The following ANK1 variants were observed in gnomAD, a reference collection of about 807,000 sequenced individuals.
ANK1 encodes ankyrin-1.
In ANK1, 51 loss-of-function variants were observed where a neutral mutation model predicts 210.4. The observed-to-expected ratio is 0.24, with a 90% CI of 0.19 to 0.31. ANK1 has a LOEUF of 0.31. Ranked by LOEUF, ANK1 falls within the 10% of genes least tolerant of loss-of-function variation. The pLI, the probability that ANK1 is intolerant of heterozygous loss-of-function variation, is 1.00. For synonymous variants in ANK1, 967 were observed against 1,025.9 expected (o/e 0.94, Z 1.10); for missense variants, 2,051 against 2,504.4 (o/e 0.82, Z 3.86).
intron 18 of ANK1, among the ~76,000 whole-genome samples, chr8:41,705,420 T>C (rs1380942794): frequency 3.9e-5 from 6 of 152,216 alleles, no homozygotes; most frequent in Middle Eastern, 3.2e-3. Flanking sequence ...CTGCAGGCAG[T>C]TGGAGACAAA....
At chr8:41,769,879 G>T (rs1842642723) in intron 1 of ANK1, among the ~76,000 whole-genome samples, 2 of 151,176 alleles carry the variant, frequency 1.3e-5, no homozygotes, top group South Asian at 4.2e-4. Flanking sequence ...TTTTTGTAGA[G>T]AAGGGGTCTG....
intron 1 of ANK1, among the ~76,000 whole-genome samples, chr8:41,780,708 G>A (rs983442760): frequency 2.0e-5 from 3 of 152,326 alleles, no homozygotes; most frequent in African/African-American, 4.8e-5. Flanking sequence ...GTGTGTGCAC[G>A]TGTGCCTGTG....
chr8:41,837,832 T>C (rs529527599), intron 1 of ANK1, among the ~76,000 whole-genome samples: 1 of 152,226 alleles, frequency 6.6e-6, no homozygotes, highest in South Asian at 2.1e-4. Context: ...GATCACACCA[T>C]TGCACTACAG....
rs140686279 is a variant in ANK1 at position 41,773,850 on chromosome 8, AGGATGG to A, written c.28-15719_28-15714del. Among the ~76,000 whole-genome samples the A allele has an allele frequency of 5.5e-3, 845 of 152,296 alleles. 2 individuals carry two copies. The highest frequency in any genetic ancestry group is 8.9e-3 in the Non-Finnish European group (604 of 68,020). ...AGAAACCCAGTCCCGGTGCTGGAGA[AGGATGG>A]GGAGTGGACCCAAGTGGCAAGCCTG... On this transcript the variant is annotated intron_variant, in intron 1 of 42. Transcript: ENST00000289734.
intron 37 of ANK1, among the ~76,000 whole-genome samples, chr8:41,673,230 T>A (rs780207515): frequency 3.3e-5 from 5 of 152,152 alleles, no homozygotes; most frequent in Non-Finnish European, 7.4e-5. Context: ...GAGCACTAGA[T>A]AAAGAAGCCT....
chr8:41,683,716 G>A (rs2150577036), intron 37 of ANK1, among the ~76,000 whole-genome samples: 1 of 152,352 alleles, frequency 6.6e-6, no homozygotes, highest in East Asian at 1.9e-4. Context: ...GCAGGGAGTT[G>A]GCAGGAAGGA....
In ANK1 at chr8:41,733,958, C is replaced by G; in HGVS notation, c.228+13G>C. 1 of 1,612,804 alleles carries G rather than the reference C, an allele frequency of 6.2e-7. No individual in the cohort carries two copies. Among genetic ancestry groups the G allele is most frequent in the Non-Finnish European group, 8.5e-7 (1 of 1,178,774 alleles). On this transcript the variant is annotated intron_variant, in intron 3 of 42. Transcript: ENST00000289734. ...TTTCAATGCAAAGCTCCCCCACTCCCTGTGAGACATACCTTGGTTGTCGTT... is the reference window on the plus strand; with the variant it reads ...TTTCAATGCAAAGCTCCCCCACTCCGTGTGAGACATACCTTGGTTGTCGTT...
At chr8:41,766,821 C>T (rs1704937159) in intron 1 of ANK1, among the ~76,000 whole-genome samples, 1 of 152,250 alleles carries the variant, frequency 6.6e-6, no homozygotes, top group South Asian at 2.1e-4. Flanking sequence ...CTGCCTTCCT[C>T]TGCCCCATTC....
rs895568293 is a variant in ANK1, at chr8:41,863,220, G to A, written c.126+33135C>T. ...AAAAATACAAAAAAATTAGCTGGGC[G>A]TTGTGGCGGGCGCCTGTAGTCCCAG... On this transcript the variant is annotated intron_variant, in intron 1 of 42. Coordinates refer to the ANK1 transcript ENST00000265709. 1.8e-4 allele frequency among the ~76,000 whole-genome samples: 28 copies of A among 151,476 alleles called. 1 individual carries two copies. The highest frequency in any genetic ancestry group is 7.9e-4 in the Admixed American group (12 of 15,246).
At chr8:41,784,715 T>C (rs1426843920) in intron 1 of ANK1, among the ~76,000 whole-genome samples, 1 of 152,158 alleles carries the variant, frequency 6.6e-6, no homozygotes, top group African/African-American at 2.4e-5. Flanking sequence ...ATGGTGAAGG[T>C]TTTGCAAATT....
Position 41,672,918 on chromosome 8 carries a change from T to C in ANK1, c.4538-6A>G, listed in dbSNP as rs776186305. The C allele has an allele frequency of 2.8e-5, 45 of 1,596,848 alleles. No individual in the cohort carries two copies. Among genetic ancestry groups the C allele is most frequent in the Non-Finnish European group, 2.0e-5 (24 of 1,178,632 alleles). On this transcript the variant is annotated splice_polypyrimidine_tract_variant and splice_region_variant and intron_variant, in intron 37 of 42. Transcript: ENST00000289734. ...GTCCTGCAGTGAGGAGTAACCTGGA[T>C]GGGCAGACAGAGGGCAACATGCTCC...
rs111620878 is a variant in ANK1, at chr8:41,695,253, G to C, written c.3039C>G (p.Asn1013Lys). ...TCCTGTGCTCCTTCCACACGGAGCC[G>C]TTTTCGCTCCTCAGAACCACGAGCT... ...DRELVVLRSE[N>K]GSVWKEHRSR... The change falls in exon 27 of 43, where the codon AAC (asparagine) becomes AAG (lysine). Residue 1013 changes from asparagine (N) to lysine (K), a missense_variant. Physicochemically the swap from Asn to Lys is moderately conservative, Grantham distance 94. Around this residue, in one of 6 missense-constraint regions of ANK1, gnomAD observed 1,413 missense variants for 1,707.4 expected, o/e 0.83. Coordinates refer to ENST00000289734, the MANE Select transcript of ANK1 (RefSeq NM_000037.4). 1 of 1,614,092 alleles carries C rather than the reference G, an allele frequency of 6.2e-7. No homozygotes were observed. Among genetic ancestry groups the C allele is most frequent in the Non-Finnish European group, 8.5e-7 (1 of 1,180,026 alleles).
At chr8:41,726,991 A>C (rs1313983219) in intron 5 of ANK1, among the ~76,000 whole-genome samples, 1 of 152,218 alleles carries the variant, frequency 6.6e-6, no homozygotes, top group South Asian at 2.1e-4. Flanking sequence ...TCCAGTCACA[A>C]GTATTGGCCA....
In ANK1 at chr8:41,723,798, T is replaced by A. The variant is rs374452510; in HGVS notation, c.712-165A>T. Among the ~76,000 whole-genome samples the A allele has an allele frequency of 2.6e-4, 39 of 150,312 alleles. No individual in the cohort carries two copies. In the East Asian group the frequency reaches 2.9e-3, roughly 11 times the overall value. ...TTATTTTTTTTTATTTTTTATTTTT[T>A]TTTTTTTTTGAGACGGAGTCTCGCT... is the stretch of plus-strand genomic sequence containing the variant. On this transcript the variant is annotated intron_variant, in intron 7 of 42. Transcript: ENST00000289734.
intron 2 of ANK1, among the ~76,000 whole-genome samples, chr8:41,757,489 G>T (rs760846075): frequency 6.6e-6 from 1 of 151,948 alleles, no homozygotes; most frequent in Non-Finnish European, 1.5e-5. Flanking sequence ...TTGTTTCCTC[G>T]CCAGCCCCTT....
At chr8:41,822,516 C>T (rs1804641558) in intron 1 of ANK1, among the ~76,000 whole-genome samples, 1 of 152,208 alleles carries the variant, frequency 6.6e-6, no homozygotes, top group Non-Finnish European at 1.5e-5. Context: ...CCTGTATTAT[C>T]ATGTGCCAAT....
rs370175565 is a variant in ANK1 at position 41,661,934 on chromosome 8, C to T, written c.5486G>A (p.Arg1829His). 22 of 1,613,714 alleles carry T rather than the reference C, an allele frequency of 1.4e-5. No homozygotes were observed. Among genetic ancestry groups the T allele is most frequent in the Middle Eastern group, 1.6e-4 (1 of 6,084 alleles). ...QGNIVTKKII[R>H]KVVRQIDLSS... ...CAAGTCTATCTGTCGAACCACCTTG[C>T]GAATGATCTAGGAAAGGAAGGGAAG... The change falls in exon 41 of 43, where the codon CGC (arginine) becomes CAC (histidine). Residue 1829 changes from arginine (R) to histidine (H), a missense_variant. Around this residue, in one of 6 missense-constraint regions of ANK1, gnomAD observed 496 missense variants for 533.4 expected, o/e 0.93. Coordinates refer to ENST00000289734, the MANE Select transcript of ANK1 (RefSeq NM_000037.4).
At position 41,727,328 on chromosome 8, in the gene ANK1, G is replaced by A; in HGVS notation, c.348C>T (p.Tyr116=). 2 of 1,614,066 alleles carry A rather than the reference G, an allele frequency of 1.2e-6. No individual in the cohort carries two copies. The highest frequency in any genetic ancestry group is 1.7e-6 in the Non-Finnish European group (2 of 1,179,936). ...AQSQKGFTPL[Y]MAAQENHLEV... ...CCAAGTGGTTCTCTTGTGCTGCCAT[G>A]TACAGGGGTGTAAAACCTTTCTGTA... is the stretch of plus-strand genomic sequence containing the variant. Residue 116 remains tyrosine (Y), a synonymous_variant, in exon 5 of 43, where the codon TAC becomes TAT. Transcript: ENST00000289734.
chr8:41,875,448 A>G (rs1364271344), intron 1 of ANK1, among the ~76,000 whole-genome samples: 2 of 152,206 alleles, frequency 1.3e-5, no homozygotes, highest in African/African-American at 2.4e-5. Context: ...AGGAGCTACA[A>G]GGGACTCTCC....
Sources: allele counts gnomAD v4.1 joint callset (sites outside exome capture counted in the v4.1 genomes callset), GRCh38; gene constraint gnomAD v4.1.1; regional missense constraint gnomAD v4.1.1; transcripts MANE v1.5; gene names NCBI Gene and HGNC (gene_info 2026-07-23, HGNC 2026-07-21).